The following PMEL variants were observed in gnomAD, a reference collection of about 807,000 sequenced individuals.
PMEL encodes the protein premelanosome protein.
In PMEL, 53 loss-of-function variants were observed where a neutral mutation model predicts 64.9. The ratio of observed to expected loss-of-function variants is 0.82; its 90% confidence interval spans 0.66 to 1.03. PMEL has a LOEUF of 1.03. Ranked by LOEUF, PMEL falls within the 50% of genes least tolerant of loss-of-function variation. The probability of loss-of-function intolerance (pLI) is 0.00; values close to 1 mark genes in which losing one functional copy is unlikely to be tolerated. For missense variants in PMEL, 716 were observed against 814.9 expected (o/e 0.88, Z 1.48); for synonymous variants, 299 against 316.2 (o/e 0.95, Z 0.58).
In PMEL at chr12:55,957,340, G is replaced by A; in HGVS notation, c.963C>T (p.Asn321=). The change falls in exon 6 of 11, where the codon AAC becomes AAT. Residue 321 remains asparagine, a synonymous_variant. Coordinates refer to ENST00000548747, the MANE Select transcript of PMEL (RefSeq NM_001384361.1). ...TAGTAGGCACTTGGCCAGCTGTGGT[G>A]TTAGGGGCCTCTGCAGTTGGCCTGT... ...DGHRPTAEAP[N]TTAGQVPTTE... 2.5e-6 allele frequency: 4 copies of A among 1,598,890 alleles called. No individual in the cohort carries two copies. Among genetic ancestry groups the A allele is most frequent in the Non-Finnish European group, 3.4e-6 (4 of 1,170,772 alleles).
chr12:55,957,101 G>A lies in PMEL; in HGVS notation c.1202C>T (p.Thr401Ile), dbSNP rs1348084924. Residue 401 changes from threonine (T) to isoleucine (I), a missense_variant, in exon 6 of 11, where the codon ACA becomes ATA. Physicochemically the swap from Thr to Ile is moderately conservative, Grantham distance 89. Transcript: ENST00000548747. ...EMSTPEATGM[T>I]PAEVSIVVLS... ...CACCACAATTGATACCTCTGCAGGT[G>A]TCATACCTGTAGCCTCTGGAGTTGA... The A allele has an allele frequency of 1.2e-5, 19 of 1,614,028 alleles. No individual in the cohort carries two copies. Among genetic ancestry groups the A allele is most frequent in the Non-Finnish European group, 1.6e-5 (19 of 1,179,996 alleles).
Position 55,955,380 on chromosome 12 carries a change from G to A in PMEL, c.1763-19C>T. On this transcript the variant is annotated intron_variant, in intron 9 of 10. Coordinates refer to ENST00000548747, the MANE Select transcript of PMEL (RefSeq NM_001384361.1). ...TCTTGACCTGTGAGAAGAATCCCAG[G>A]CACTGCTTCACTCAGTGTCTGCTGC... 6.2e-7 allele frequency: 1 copy of A among 1,613,308 alleles called. No homozygotes were observed. Among genetic ancestry groups the A allele is most frequent in the Non-Finnish European group, 8.5e-7 (1 of 1,179,328 alleles).
At chr12:55,961,122 G>A (rs1889085932) in intron 3 of PMEL, 195 bp downstream of exon 3, 2 of 498,132 alleles carry the variant, frequency 4.0e-6, no homozygotes, top group Non-Finnish European at 3.6e-6. Flanking sequence ...GGAGAATGGC[G>A]TGAACCCGGG....
Position 55,955,880 on chromosome 12 carries a change from T to G in PMEL, c.1472-17A>C, listed in dbSNP as rs1428630595. The G allele has an allele frequency of 1.2e-6, 2 of 1,610,246 alleles. No homozygotes were observed. Among genetic ancestry groups the G allele is most frequent in the South Asian group, 2.2e-5 (2 of 90,992 alleles). ...CAATACCCTCTGCAGAGTTGCAAGC[T>G]TATCAAATTAGGATTCCTCTACCTG... is the stretch of plus-strand genomic sequence containing the variant. On this transcript the variant is annotated splice_polypyrimidine_tract_variant and intron_variant, in intron 7 of 10. Transcript: ENST00000548747.
chr12:55,955,138 T>C (rs575428476), intron 10 of PMEL, 136 bp downstream of exon 10: 4 of 753,744 alleles, frequency 5.3e-6, no homozygotes, highest in East Asian at 4.9e-5. Flanking sequence ...CCCAAGTCTG[T>C]CTAACTTAAA....
intron 3 of PMEL, 115 bp from the exon 4 acceptor site, chr12:55,958,722 G>T: frequency 9.5e-7 from 1 of 1,049,442 alleles, no homozygotes; most frequent in Non-Finnish European, 1.4e-6. Context: ...TCCCTAGCTA[G>T]AAAGTACATT....
rs373856216 is a variant in PMEL, at chr12:55,961,656, C to T, written c.153G>A (p.Glu51=). 7 of 1,613,976 alleles carry T rather than the reference C, an allele frequency of 4.3e-6. No homozygotes were observed. The African/African-American group carries it at 8.0e-5, about 18-fold the overall frequency. ...AGTCAAGTCTCTGGGCTTCTGTCCA[C>T]TCTGGATACAGCTGCCTGTTCCAGG... is the stretch of plus-strand genomic sequence containing the variant. ...TKAWNRQLYP[E]WTEAQRLDCW... The change falls in exon 2 of 11, where the codon GAG becomes GAA. Residue 51 remains glutamate, a synonymous_variant. Coordinates refer to ENST00000548747, the MANE Select transcript of PMEL (RefSeq NM_001384361.1).
At chr12:55,954,891 T>A (rs922770202) in intron 10 of PMEL, among the ~76,000 whole-genome samples, 3 of 150,936 alleles carry the variant, frequency 2.0e-5, no homozygotes, top group Non-Finnish European at 4.4e-5. Flanking sequence ...GCAAAAAGGG[T>A]GAAACTCCGT....
In PMEL at chr12:55,957,510, T is replaced by C. The variant is rs946000790; in HGVS notation, c.793A>G (p.Ser265Gly). 4.3e-6 allele frequency: 7 copies of C among 1,613,932 alleles called. No individual in the cohort carries two copies. Among genetic ancestry groups the C allele is most frequent in the African/African-American group, 1.3e-5 (1 of 74,892 alleles). ...GCCCGAGAGATCAGGGTTCCACTAC[T>C]GTCTCCAAAGTCCCAGGTGTAGGAG... Reference protein sequence around the residue: ...DLSYTWDFGDSSGTLISRALV... With the variant: ...DLSYTWDFGDGSGTLISRALV... The change falls in exon 6 of 11, where the codon AGT becomes GGT. Residue 265 changes from serine (S) to glycine (G), a missense_variant. Physicochemically the swap from Ser to Gly is moderately conservative, Grantham distance 56. Transcript: ENST00000548747.
chr12:55,962,231 G>A (rs1889128620), intron 1 of PMEL, among the ~76,000 whole-genome samples: 1 of 151,566 alleles, frequency 6.6e-6, no homozygotes, highest in Non-Finnish European at 1.5e-5. Flanking sequence ...GGATCATGAG[G>A]TCAAGAGATA....
chr12:55,955,274 C>G lies in PMEL; in HGVS notation c.1850G>C (p.Arg617Thr). Reference protein sequence around the residue: ...MAVVLASLIYRRRLMKQDFSV... With the variant: ...MAVVLASLIYTRRLMKQDFSV... Reference sequence around the variant, plus strand: ...CTGAGCTGTGTGATGAGGCCCTTACCTATATATCAGAGATGCAAGGACCAC... The same window carrying G: ...CTGAGCTGTGTGATGAGGCCCTTACGTATATATCAGAGATGCAAGGACCAC... Residue 617 changes from arginine to threonine, a missense_variant and splice_region_variant, in exon 10 of 11, where the codon AGG becomes ACG. Coordinates refer to ENST00000548747, the MANE Select transcript of PMEL (RefSeq NM_001384361.1). 1 of 1,601,578 alleles carries G rather than the reference C, an allele frequency of 6.2e-7. No individual in the cohort carries two copies. The highest frequency in any genetic ancestry group is 8.6e-7 in the Non-Finnish European group (1 of 1,168,510).
At chr12:55,954,691 G>C (rs1265406171) in intron 10 of PMEL, among the ~76,000 whole-genome samples, 2 of 152,178 alleles carry the variant, frequency 1.3e-5, no homozygotes, top group Non-Finnish European at 2.9e-5. Context: ...AGATCACGAG[G>C]TCAGGAGTTT....
intron 1 of PMEL, 101 bp from the exon 2 acceptor site, chr12:55,961,833 C>A: frequency 4.9e-6 from 3 of 615,794 alleles, no homozygotes; most frequent in Non-Finnish European, 8.1e-6. Context: ...ATTCGAAGTG[C>A]ATTTTTTTTT....
chr12:55,963,064 G>A (rs907232952), intron 1 of PMEL, among the ~76,000 whole-genome samples: 1 of 151,868 alleles, frequency 6.6e-6, no homozygotes, highest in African/African-American at 2.4e-5. Context: ...GGCTGAGGCA[G>A]GAGAATTGCT....
chr12:55,955,112 A>G (rs1050391294), intron 10 of PMEL, among the ~76,000 whole-genome samples, 162 bp downstream of exon 10: 1 of 152,166 alleles, frequency 6.6e-6, no homozygotes, highest in Non-Finnish European at 1.5e-5. Context: ...CCCAGGTCCT[A>G]CAAGCAAGAC....
At chr12:55,959,259 C>T (rs867142450) in intron 3 of PMEL, among the ~76,000 whole-genome samples, 2 of 151,666 alleles carry the variant, frequency 1.3e-5, no homozygotes, top group African/African-American at 4.8e-5. Context: ...GTGGTATGCA[C>T]CTGTAGTTCC....
At chr12:55,959,420 AAAAT>A (rs1436190607) in intron 3 of PMEL, among the ~76,000 whole-genome samples, 1 of 151,466 alleles carries the variant, frequency 6.6e-6, no homozygotes, top group East Asian at 1.9e-4. Flanking sequence ...TAAAATAAGA[AAAAT>A]AAAAGAAAAA....
chr12:55,955,513 C>T lies in PMEL; in HGVS notation c.1713G>A (p.Leu571=). ...CCACTGCCAGGCTGTTGGTATCAGCCAGAGACACATTGAGGCAGTATGTCC... is the reference window on the plus strand; with the variant it reads ...CCACTGCCAGGCTGTTGGTATCAGCTAGAGACACATTGAGGCAGTATGTCC... The part of the protein sequence containing the change: ...GSGTYCLNVS[L]ADTNSLAVVS... The change falls in exon 9 of 11, where the codon CTG becomes CTA. Residue 571 remains leucine (L), a synonymous_variant. Transcript: ENST00000548747. 1 of 1,614,150 alleles carries T rather than the reference C, an allele frequency of 6.2e-7. No homozygotes were observed. Among genetic ancestry groups the T allele is most frequent in the Non-Finnish European group, 8.5e-7 (1 of 1,180,012 alleles).
At chr12:55,966,161 A>G (rs1312379100), upstream of PMEL, 1 of 1,214,780 alleles carries the variant, frequency 8.2e-7, no homozygotes, top group Admixed American at 2.5e-5. Flanking sequence ...AAAACTGACA[A>G]AGGGATCCTG....
Sources: gnomAD v4.1 joint callset for allele counts (sites outside exome capture counted in the v4.1 genomes callset) on GRCh38, gnomAD v4.1.1 for gene constraint, MANE v1.5 for transcripts, NCBI Gene and HGNC (gene_info 2026-07-23, HGNC 2026-07-21) for gene names.